Variants in TULP4 observed in about 807,000 individuals in gnomAD.
The protein encoded by TULP4 is tubby-related protein 4.
Under a neutral mutation model 129.0 loss-of-function variants are expected in TULP4, and 16 were observed. The observed-to-expected ratio is 0.12, with a 90% CI of 0.08 to 0.19. The LOEUF is 0.19. TULP4 is among the 10% of genes least tolerant of loss of function. The probability of loss-of-function intolerance (pLI) is 1.00; values close to 1 mark genes in which losing one functional copy is unlikely to be tolerated. For synonymous variants in TULP4, 998 were observed against 854.0 expected (o/e 1.17, Z -2.94); for missense variants, 1,842 against 2,059.1 (o/e 0.89, Z 2.04).
intron 1 of TULP4, among the ~76,000 whole-genome samples, chr6:158,325,782 C>G (rs1562520880): frequency 6.6e-6 from 1 of 152,202 alleles, no homozygotes; most frequent in Admixed American, 6.5e-5. Context: ...ACTGGCTTAT[C>G]TATTTTTATA....
chr6:158,289,049 G>A (rs1778882627), intron 1 of TULP4, among the ~76,000 whole-genome samples: 1 of 152,070 alleles, frequency 6.6e-6, no homozygotes, highest in Non-Finnish European at 1.5e-5. Context: ...AAACTATATG[G>A]CCTGATTTCT....
rs144147205 is a variant in TULP4 at position 158,242,261 on chromosome 6, G to A, written n.68+9958G>A. ...TTCATGGCCTGGTTCAGCTGGCCGTGGTCTATCAGTGCACATGCAGTGTTT... is the reference window on the plus strand; with the variant it reads ...TTCATGGCCTGGTTCAGCTGGCCGTAGTCTATCAGTGCACATGCAGTGTTT... On this transcript the variant is annotated intron_variant and non_coding_transcript_variant, in intron 1 of 1. Coordinates refer to the TULP4 transcript ENST00000620026. The A allele has an allele frequency of 4.7e-5, 73 of 1,552,842 alleles. No individual in the cohort carries two copies. The East Asian group carries it at 1.6e-3, about 34-fold the overall frequency.
intron 1 of TULP4, among the ~76,000 whole-genome samples, chr6:158,323,303 A>C (rs1376810914): frequency 6.6e-6 from 1 of 152,176 alleles, no homozygotes; most frequent in Admixed American, 6.5e-5. Context: ...AGATGGTTAA[A>C]CTAGGGTGCT....
intron 1 of TULP4, among the ~76,000 whole-genome samples, chr6:158,338,697 T>C (rs1023852140): frequency 2.6e-5 from 4 of 152,332 alleles, no homozygotes; most frequent in African/African-American, 9.6e-5. Flanking sequence ...GAAGGTAAAC[T>C]TGGCCCAGGG....
At chr6:158,304,328 T>C (rs1779177117) in intron 1 of TULP4, among the ~76,000 whole-genome samples, 2 of 152,188 alleles carry the variant, frequency 1.3e-5, no homozygotes. Context: ...ATTAGACACA[T>C]GTATTCTTTG....
chr6:158,291,551 G>A (rs1384039735), intron 1 of TULP4, among the ~76,000 whole-genome samples: 2 of 152,178 alleles, frequency 1.3e-5, no homozygotes, highest in Non-Finnish European at 2.9e-5. Context: ...GGCATATATT[G>A]TGCTGCTTCT....
chr6:158,305,502 C>A (rs979086523), intron 1 of TULP4, among the ~76,000 whole-genome samples: 1 of 151,440 alleles, frequency 6.6e-6, no homozygotes, highest in Admixed American at 6.6e-5. Context: ...GAGTTTGAGA[C>A]CAGCCTGGGC....
At position 158,445,745 on chromosome 6, in the gene TULP4, T is replaced by G. The variant is rs370892200; in HGVS notation, c.544-3251T>G. Among the ~76,000 whole-genome samples the G allele has an allele frequency of 4.6e-5, 7 of 152,306 alleles. No homozygotes were observed. In the East Asian group the frequency reaches 1.2e-3, roughly 25 times the overall value. Reference sequence around the variant, plus strand: ...TGATGGGGTCTGGTTGTGTGTGTGTTGCTCAGGAAAGGATGCAGTCATGCG... The same window carrying G: ...TGATGGGGTCTGGTTGTGTGTGTGTGGCTCAGGAAAGGATGCAGTCATGCG... On this transcript the variant is annotated intron_variant, in intron 3 of 13. Coordinates refer to ENST00000367097, the MANE Select transcript of TULP4 (RefSeq NM_020245.5).
Position 158,502,128 on chromosome 6 carries a change from C to T in TULP4, c.2465C>T (p.Ala822Val), listed in dbSNP as rs781208870. ...AAEGDAVVFS[A>V]PQEVQVTKIN... ...GAGGGGGACGCAGTGGTCTTTAGTG[C>T]CCCCCAGGAGGTCCAGGTGACGAAG... Residue 822 changes from alanine to valine, a missense_variant, in exon 13 of 14, where the codon GCC becomes GTC. Around this residue, in one of 5 missense-constraint regions of TULP4, gnomAD observed 1,089 missense variants for 987.1 expected, o/e 1.10. Coordinates refer to ENST00000367097, the MANE Select transcript of TULP4 (RefSeq NM_020245.5). 5.3e-5 allele frequency: 85 copies of T among 1,605,272 alleles called. No individual in the cohort carries two copies. Among genetic ancestry groups the T allele is most frequent in the Admixed American group, 2.9e-4 (17 of 59,278 alleles).
chr6:158,439,814 C>T (rs905002976), intron 3 of TULP4, among the ~76,000 whole-genome samples: 1 of 141,660 alleles, frequency 7.1e-6, no homozygotes, highest in East Asian at 2.1e-4. Flanking sequence ...TGGGTTCATG[C>T]CATTCTCCTG....
intron 3 of TULP4, among the ~76,000 whole-genome samples, chr6:158,445,219 C>G (rs1182388626): frequency 5.9e-5 from 9 of 152,182 alleles, no homozygotes; most frequent in Admixed American, 4.6e-4. Flanking sequence ...CTGTATGTGT[C>G]TACTGCTTAT....
chr6:158,471,013 A>T (rs1217505151), intron 6 of TULP4, among the ~76,000 whole-genome samples: 2 of 152,220 alleles, frequency 1.3e-5, no homozygotes, highest in Admixed American at 6.5e-5. Context: ...TGGGGAAAAA[A>T]GAAGAAATAA....
Position 158,237,327 on chromosome 6 carries a change from A to C in TULP4, n.68+5024A>C. On this transcript the variant is annotated intron_variant and non_coding_transcript_variant, in intron 1 of 1. Coordinates refer to the TULP4 transcript ENST00000620026. ...AGTTTAAAAACAGCCTTCAACAAGA[A>C]TATTCTCATCACCAGCCACCTTTTC... The C allele has an allele frequency of 3.7e-6, 6 of 1,608,690 alleles. No homozygotes were observed. In the South Asian group the frequency reaches 6.6e-5, roughly 18 times the overall value.
In TULP4 at chr6:158,503,288, C is replaced by T. The variant is rs1298532515; in HGVS notation, c.3625C>T (p.Pro1209Ser). ...PLPGVQAPCS[P>S]KDALSPTQFA... ...GCCTGGAGTGCAGGCTCCCTGCTCT[C>T]CCAAAGATGCCCTGTCCCCAACGCA... Residue 1209 changes from proline to serine, a missense_variant, in exon 13 of 14, where the codon CCC (proline) becomes TCC (serine). Around this residue, in one of 5 missense-constraint regions of TULP4, gnomAD observed 1,089 missense variants for 987.1 expected, o/e 1.10. Coordinates refer to ENST00000367097, the MANE Select transcript of TULP4 (RefSeq NM_020245.5). The surrounding 1 kb of genome is among the most constrained non-coding windows in gnomAD (Gnocchi z 4.3). 6.2e-7 allele frequency: 1 copy of T among 1,613,942 alleles called. No homozygotes were observed. The highest frequency in any genetic ancestry group is 8.5e-7 in the Non-Finnish European group (1 of 1,179,992).
chr6:158,327,110 A>G (rs1156864265), intron 1 of TULP4, among the ~76,000 whole-genome samples: 1 of 105,488 alleles, frequency 9.5e-6, no homozygotes, highest in Non-Finnish European at 2.0e-5. Flanking sequence ...CTTTCCTCAT[A>G]TGGGATTTGT....
intron 6 of TULP4, among the ~76,000 whole-genome samples, chr6:158,478,449 G>A (rs1779869366): frequency 6.6e-6 from 1 of 152,164 alleles, no homozygotes; most frequent in Non-Finnish European, 1.5e-5. Context: ...CTGTGTGTTG[G>A]TTTGCCCTGT....
intron 2 of TULP4, among the ~76,000 whole-genome samples, chr6:158,417,467 C>T (rs1394458988): frequency 6.6e-6 from 1 of 152,200 alleles, no homozygotes; most frequent in Non-Finnish European, 1.5e-5. Flanking sequence ...GTTTTGTTTA[C>T]TTTTGCCATT....
At chr6:158,286,991 A>G (rs1778846092) in intron 1 of TULP4, among the ~76,000 whole-genome samples, 1 of 152,204 alleles carries the variant, frequency 6.6e-6, no homozygotes, top group Non-Finnish European at 1.5e-5. Flanking sequence ...TTTAATGGTC[A>G]TTTGCCAACA....
intron 1 of TULP4, among the ~76,000 whole-genome samples, chr6:158,339,135 G>A (rs1780115612): frequency 6.6e-6 from 1 of 152,166 alleles, no homozygotes; most frequent in South Asian, 2.1e-4. Context: ...GAGAAATAAA[G>A]GAAAAGAGTA....
Sources: gnomAD v4.1 joint callset for allele counts (sites outside exome capture counted in the v4.1 genomes callset) on GRCh38, gnomAD v4.1.1 for gene constraint, gnomAD v4.1.1 regional missense constraint, Gnocchi (gnomAD v3.1) non-coding constraint, MANE v1.5 for transcripts, NCBI Gene and HGNC (gene_info 2026-07-23, HGNC 2026-07-21) for gene names.